The following C4orf36 variants were observed in gnomAD, a reference collection of about 807,000 sequenced individuals.
C4orf36 encodes the protein uncharacterized protein C4orf36.
Under a neutral mutation model 12.2 loss-of-function variants are expected in C4orf36, and 11 were observed. The ratio of observed to expected loss-of-function variants is 0.90; its 90% confidence interval spans 0.57 to 1.49. The LOEUF is 1.49. Ranked by LOEUF, C4orf36 falls within the 40% of genes most tolerant of loss-of-function variation. The probability of loss-of-function intolerance (pLI) is 0.00; values close to 1 mark genes in which losing one functional copy is unlikely to be tolerated. For synonymous variants in C4orf36, 54 were observed against 51.3 expected, an observed-to-expected ratio of 1.05 and a Z score of -0.22; for missense variants, 137 against 133.9, an observed-to-expected ratio of 1.02 and a Z score of -0.11.
the C4orf36 span, among the ~76,000 whole-genome samples, chr4:86,923,881 T>C: frequency 1.3e-5 from 2 of 152,174 alleles, no homozygotes; most frequent in Non-Finnish European, 2.9e-5. Flanking sequence ...ATCCATATTA[T>C]TACTCGTGCA....
chr4:86,911,061 G>A, the C4orf36 span, among the ~76,000 whole-genome samples: 18 of 152,174 alleles, frequency 1.2e-4, no homozygotes, highest in South Asian at 4.2e-4. Context: ...CCAGCCTGGC[G>A]ACAGAGTGAG....
In C4orf36 at chr4:86,884,906, C is replaced by T. The variant is rs1000014182; in HGVS notation, c.*2+2852G>A. ...AAGGTGTAAGGAAGGGATCCAGTTTCAGCTTTCTACATATGGCTAGCCAGT... is the reference window on the plus strand; with the variant it reads ...AAGGTGTAAGGAAGGGATCCAGTTTTAGCTTTCTACATATGGCTAGCCAGT... On this transcript the variant is annotated intron_variant, in intron 4 of 4. Coordinates refer to ENST00000295898, the MANE Select transcript of C4orf36 (RefSeq NM_144645.4). Among the ~76,000 whole-genome samples, 8 of 152,300 alleles carry T rather than the reference C, an allele frequency of 5.3e-5. No homozygotes were observed. The South Asian group carries it at 1.5e-3, about 28-fold the overall frequency.
the C4orf36 span, among the ~76,000 whole-genome samples, chr4:86,922,937 T>A: frequency 1.3e-5 from 2 of 151,358 alleles, no homozygotes; most frequent in Admixed American, 1.3e-4. Flanking sequence ...CATTTGCTTT[T>A]TCTTCTTCTT....
intron 4 of C4orf36, among the ~76,000 whole-genome samples, chr4:86,877,469 G>C (rs1746951819): frequency 2.0e-5 from 3 of 152,240 alleles, no homozygotes; most frequent in Admixed American, 1.3e-4. Flanking sequence ...CTGGTTGGCA[G>C]ATCAGAGTCT....
chr4:86,890,198 G>T, intron 2 of C4orf36: 1 of 271,186 alleles, frequency 3.7e-6, no homozygotes, highest in Admixed American at 4.2e-5. Context: ...AGGGAGGGAG[G>T]GAGGGAGGGA....
At chr4:86,913,983 G>T in the C4orf36 span, 1 of 1,575,810 alleles carries the variant, frequency 6.3e-7, no homozygotes, top group South Asian at 1.1e-5. Context: ...AATGTAGGCA[G>T]AAAACAGTCT....
the C4orf36 span, among the ~76,000 whole-genome samples, chr4:86,917,090 C>A: frequency 1.3e-5 from 2 of 152,004 alleles, no homozygotes; most frequent in Non-Finnish European, 2.9e-5. Context: ...CCAGCCTGGG[C>A]AACATAGTAA....
At chr4:86,889,208 G>A (rs1430988485) in intron 2 of C4orf36, among the ~76,000 whole-genome samples, 1 of 152,070 alleles carries the variant, frequency 6.6e-6, no homozygotes, top group Non-Finnish European at 1.5e-5. Context: ...AACTTAGCTG[G>A]GCATGGTGGC....
At chr4:86,876,601 G>C in intron 4 of C4orf36, 158 bp from the exon 5 acceptor site, 1 of 1,613,932 alleles carries the variant, frequency 6.2e-7, no homozygotes, top group African/African-American at 1.3e-5. Flanking sequence ...ATACACAGAA[G>C]AACAGACAGT....
intron 4 of C4orf36, among the ~76,000 whole-genome samples, chr4:86,883,309 G>A (rs1343422979): frequency 6.6e-6 from 1 of 152,204 alleles, no homozygotes; most frequent in Admixed American, 6.5e-5. Context: ...CATAGGTACA[G>A]TGGCCATATT....
the C4orf36 span, among the ~76,000 whole-genome samples, chr4:86,930,475 T>C: frequency 6.6e-6 from 1 of 152,256 alleles, no homozygotes; most frequent in Non-Finnish European, 1.5e-5. Context: ...AACTTCTTTA[T>C]TCATGAACTA....
At chr4:86,913,143 G>A in the C4orf36 span, 25 of 295,160 alleles carry the variant, frequency 8.5e-5, no homozygotes, top group Middle Eastern at 1.1e-3. Flanking sequence ...TGGTATTGGC[G>A]TGATATATGT....
chr4:86,899,001 G>A, the C4orf36 span, among the ~76,000 whole-genome samples: 1 of 151,836 alleles, frequency 6.6e-6, no homozygotes, highest in Non-Finnish European at 1.5e-5. Flanking sequence ...TGAGGTGGGA[G>A]GATCACTTGA....
intron 4 of C4orf36, among the ~76,000 whole-genome samples, chr4:86,877,435 A>G (rs1746950788): frequency 6.6e-6 from 1 of 152,372 alleles, no homozygotes; most frequent in Admixed American, 6.5e-5. Context: ...CCAGACTTTC[A>G]GCCAAGAAAC....
At chr4:86,876,540 T>C (rs1424801298) in intron 4 of C4orf36, 97 bp from the exon 5 acceptor site, 1 of 1,613,960 alleles carries the variant, frequency 6.2e-7, no homozygotes, top group East Asian at 2.2e-5. Context: ...TGTGAAGCTA[T>C]TGTACAGTTT....
At chr4:86,899,927 A>C in the C4orf36 span, among the ~76,000 whole-genome samples, 1 of 152,224 alleles carries the variant, frequency 6.6e-6, no homozygotes, top group Non-Finnish European at 1.5e-5. Context: ...CTTTAAAAGA[A>C]GACTTGAAAC....
At chr4:86,885,421 G>T (rs1465151227) in intron 4 of C4orf36, among the ~76,000 whole-genome samples, 1 of 152,178 alleles carries the variant, frequency 6.6e-6, no homozygotes, top group Non-Finnish European at 1.5e-5. Flanking sequence ...CACATCCCTT[G>T]TAAGGTGGAT....
chr4:86,901,235 G>A, the C4orf36 span, among the ~76,000 whole-genome samples: 1 of 151,978 alleles, frequency 6.6e-6, no homozygotes, highest in East Asian at 2.0e-4. Flanking sequence ...ACCTGCCTCG[G>A]CCTCCCAAAG....
the C4orf36 span, among the ~76,000 whole-genome samples, chr4:86,897,618 T>C: frequency 6.6e-6 from 1 of 152,216 alleles, no homozygotes; most frequent in African/African-American, 2.4e-5. Context: ...GACACATTAT[T>C]GCATGACCAA....
Sources: allele counts gnomAD v4.1 joint callset (sites outside exome capture counted in the v4.1 genomes callset), GRCh38; gene constraint gnomAD v4.1.1; transcripts MANE v1.5; gene names NCBI Gene and HGNC (gene_info 2026-07-23, HGNC 2026-07-21).